Variants in ATXN8OS observed in about 807,000 individuals in gnomAD.
ATXN8OS encodes the protein ATXN8 opposite strand (non-protein coding).
chr13:70,129,937 G>A (rs1183260230), intron 3 of ATXN8OS: 1 of 398,084 alleles, frequency 2.5e-6, no homozygotes, highest in Non-Finnish European at 4.4e-6. Context: ...TGTGCCATTA[G>A]TGCCTCCTTG....
chr13:70,118,401 G>T (rs376830954), intron 2 of ATXN8OS, among the ~76,000 whole-genome samples: 1 of 151,896 alleles, frequency 6.6e-6, no homozygotes, highest in African/African-American at 2.4e-5. Flanking sequence ...TGGGTATATG[G>T]AATTTATGGA....
chr13:70,139,374 A>ACTACTACTG (rs1888665482), intron 3 of ATXN8OS: 2 of 648,418 alleles, frequency 3.1e-6, no homozygotes, highest in African/African-American at 5.1e-5. Context: ...TACTACTACT[A>ACTACTACTG]CTACTACTAC....
Position 70,146,241 on chromosome 13 carries a change from G to T in ATXN8OS, n.500-1114G>T, listed in dbSNP as rs368887366. Reference sequence around the variant, plus strand: ...ACCATCTCACACCAGTTAGAATGGCGATCATTAAAAAGTCAGGAAACAACA... The same window carrying T: ...ACCATCTCACACCAGTTAGAATGGCTATCATTAAAAAGTCAGGAAACAACA... On this transcript the variant is annotated intron_variant and non_coding_transcript_variant, in intron 3 of 4. Coordinates refer to ENST00000678624, the Ensembl canonical transcript of ATXN8OS. 6.1e-5 allele frequency among the ~76,000 whole-genome samples: 9 copies of T among 146,868 alleles called. No individual in the cohort carries two copies. The South Asian group carries it at 8.9e-4, about 15-fold the overall frequency.
intron 2 of ATXN8OS, among the ~76,000 whole-genome samples, chr13:70,129,558 T>C (rs1399024136): frequency 6.6e-6 from 1 of 152,282 alleles, no homozygotes; most frequent in African/African-American, 2.4e-5. Flanking sequence ...TAATGCAATA[T>C]ATTTAGTTAA....
chr13:70,162,073 A>G (rs2479950), intron 4 of ATXN8OS, among the ~76,000 whole-genome samples: 123,459 of 151,888 alleles, frequency 0.81, 51,998 homozygotes, highest in Non-Finnish European at 0.93. Context: ...GGGAGATGGT[A>G]AGAGAATAAA....
intron 4 of ATXN8OS, among the ~76,000 whole-genome samples, chr13:70,156,677 T>G (rs1888941729): frequency 6.6e-6 from 1 of 152,144 alleles, no homozygotes; most frequent in Non-Finnish European, 1.5e-5. Context: ...AATTCAAGCT[T>G]TGTTATAATG....
At chr13:70,150,768 T>G (rs963583223) in intron 4 of ATXN8OS, among the ~76,000 whole-genome samples, 1 of 152,124 alleles carries the variant, frequency 6.6e-6, no homozygotes, top group Admixed American at 6.6e-5. Flanking sequence ...ACAGGAGTTA[T>G]CAAATTATAA....
At chr13:70,150,462 T>C (rs1888851961) in intron 4 of ATXN8OS, among the ~76,000 whole-genome samples, 1 of 152,094 alleles carries the variant, frequency 6.6e-6, no homozygotes. Flanking sequence ...TAATTGAAGA[T>C]GTTAGACCAG....
chr13:70,152,497 ATGTG>A (rs1160504722), intron 4 of ATXN8OS, among the ~76,000 whole-genome samples: 3 of 151,832 alleles, frequency 2.0e-5, no homozygotes, highest in Non-Finnish European at 2.9e-5. Context: ...ACACGTGTAT[ATGTG>A]TGTGTTTAAT....
At chr13:70,168,901 C>A (rs888285284) in intron 4 of ATXN8OS, among the ~76,000 whole-genome samples, 1 of 151,946 alleles carries the variant, frequency 6.6e-6, no homozygotes, top group Non-Finnish European at 1.5e-5. Flanking sequence ...CTGCACTGTT[C>A]TTTTGTATGT....
exon 2 of ATXN8OS, chr13:70,115,151 T>C (rs1888256765): frequency 2.5e-6 from 1 of 398,290 alleles, no homozygotes; most frequent in Non-Finnish European, 4.4e-6. Flanking sequence ...TTCTGGAGGC[T>C]GGGAAGTTCA....
At chr13:70,133,137 G>A (rs181480909) in intron 3 of ATXN8OS, among the ~76,000 whole-genome samples, 1 of 152,328 alleles carries the variant, frequency 6.6e-6, no homozygotes, top group Non-Finnish European at 1.5e-5. Context: ...TGGGCATGGA[G>A]GCTCACGCCT....
chr13:70,138,077 A>G (rs1333343276), intron 3 of ATXN8OS, among the ~76,000 whole-genome samples: 1 of 152,178 alleles, frequency 6.6e-6, no homozygotes. Context: ...TGATCCAATC[A>G]CTTTCCACCA....
intron 4 of ATXN8OS, among the ~76,000 whole-genome samples, chr13:70,147,857 A>C (rs764184474): frequency 2.6e-5 from 4 of 152,116 alleles, no homozygotes; most frequent in Admixed American, 2.6e-4. Context: ...ATACAGTTTG[A>C]TTTTATACAT....
At chr13:70,136,961 G>T (rs142574681) in intron 3 of ATXN8OS, among the ~76,000 whole-genome samples, 17 of 152,204 alleles carry the variant, frequency 1.1e-4, no homozygotes, top group African/African-American at 4.1e-4. Context: ...TTGCGATACT[G>T]GCCAGAAGGA....
intron 3 of ATXN8OS, among the ~76,000 whole-genome samples, chr13:70,146,680 T>C (rs1437313143): frequency 2.0e-5 from 3 of 148,680 alleles, no homozygotes; most frequent in African/African-American, 7.5e-5. Flanking sequence ...AACCAAACAC[T>C]GCATGTTCTC....
chr13:70,125,045 T>C (rs1414710921), intron 2 of ATXN8OS, among the ~76,000 whole-genome samples: 15 of 151,992 alleles, frequency 9.9e-5, no homozygotes, highest in Admixed American at 9.8e-4. Context: ...TATATTTTAC[T>C]CCCTCCTCTT....
intron 3 of ATXN8OS, among the ~76,000 whole-genome samples, chr13:70,145,667 T>C (rs1311112309): frequency 1.3e-5 from 2 of 152,132 alleles, no homozygotes; most frequent in Admixed American, 1.3e-4. Flanking sequence ...GTTATTGTTG[T>C]ATAAGAATGC....
intron 4 of ATXN8OS, among the ~76,000 whole-genome samples, chr13:70,162,502 G>C (rs1282396971): frequency 2.0e-5 from 3 of 152,048 alleles, no homozygotes; most frequent in Non-Finnish European, 2.9e-5. Flanking sequence ...GCAGAAGCCA[G>C]AGAAGCAGGG....
Sources: allele counts gnomAD v4.1 joint callset (sites outside exome capture counted in the v4.1 genomes callset), GRCh38; gene constraint gnomAD v4.1.1; transcripts MANE v1.5; gene names NCBI Gene and HGNC (gene_info 2026-07-23, HGNC 2026-07-21).